Variants in HECW2 observed in about 807,000 individuals in gnomAD.
HECW2 encodes E3 ubiquitin-protein ligase HECW2.
In HECW2, 61 loss-of-function variants were observed where a neutral mutation model predicts 175.2. The ratio of observed to expected loss-of-function variants is 0.35; its 90% CI spans 0.28 to 0.43. The LOEUF is 0.43. Among genes scored for constraint, HECW2 ranks in the 20% least tolerant of loss-of-function variants. The pLI, the probability that HECW2 is intolerant of heterozygous loss-of-function variation, is 1.00. For missense variants in HECW2, 1,524 were observed against 2,000.5 expected (o/e 0.76, Z 4.54); for synonymous variants, 671 against 731.0 (o/e 0.92, Z 1.32).
intron 13 of HECW2, among the ~76,000 whole-genome samples, chr2:196,300,104 G>A (rs1394759579): frequency 3.3e-5 from 5 of 152,152 alleles, no homozygotes; most frequent in African/African-American, 4.8e-5. Flanking sequence ...CATAGTGGGC[G>A]TATTAACACT....
chr2:196,482,913 T>C (rs1273471835), intron 1 of HECW2, among the ~76,000 whole-genome samples: 1 of 152,156 alleles, frequency 6.6e-6, no homozygotes, highest in African/African-American at 2.4e-5. Context: ...TTTTGTTTCC[T>C]TCTCAGTGTC....
chr2:196,229,054 G>A (rs1687953831), intron 21 of HECW2, among the ~76,000 whole-genome samples: 1 of 152,152 alleles, frequency 6.6e-6, no homozygotes, highest in Non-Finnish European at 1.5e-5. Flanking sequence ...TGCAAAGTAA[G>A]GAGGAGTTTG....
Position 196,532,445 on chromosome 2 carries a change from A to G in HECW2, c.-36+61063T>C, listed in dbSNP as rs557672380. Among the ~76,000 whole-genome samples the G allele has an allele frequency of 5.7e-4, 86 of 152,034 alleles. 1 individual carries two copies. Among genetic ancestry groups the G allele is most frequent in the Non-Finnish European group, 1.1e-3 (72 of 67,972 alleles). ...TTGAACAAGGAGAACATACGGACAC[A>G]GGGAGGGGAACATCACATACCAGGG... On this transcript the variant is annotated intron_variant, in intron 1 of 28. Coordinates refer to ENST00000644978, the MANE Select transcript of HECW2 (RefSeq NM_001348768.2).
chr2:196,447,886 T>C (rs566845493), intron 1 of HECW2, among the ~76,000 whole-genome samples: 33 of 152,066 alleles, frequency 2.2e-4, no homozygotes, highest in Admixed American at 7.2e-4. Flanking sequence ...TGAAACCCCA[T>C]CTCTACTAAA....
At position 196,222,061 on chromosome 2, in the gene HECW2, C is replaced by A. The variant is rs924615461; in HGVS notation, c.4146+150G>T. ...ACATTAATTCTAATCTTTATAACTGCGGTTATTATAACTGTGTGTGATCCT... is the reference window on the plus strand; with the variant it reads ...ACATTAATTCTAATCTTTATAACTGAGGTTATTATAACTGTGTGTGATCCT... On this transcript the variant is annotated intron_variant, in intron 24 of 28. Transcript: ENST00000644978. 88 of 560,124 alleles carry A rather than the reference C, an allele frequency of 1.6e-4. No homozygotes were observed. In the East Asian group the frequency reaches 2.6e-3, roughly 17 times the overall value. 34.7% of individuals were successfully genotyped at this position (560,124 alleles called of 1,614,324 possible). A position where few individuals can be genotyped will look rare whatever the true frequency, so the allele number is the denominator to read the frequency against.
At chr2:196,591,947 C>T (rs1691212163) in intron 1 of HECW2, among the ~76,000 whole-genome samples, 1 of 152,080 alleles carries the variant, frequency 6.6e-6, no homozygotes, top group African/African-American at 2.4e-5. Flanking sequence ...ATACAGCCAT[C>T]TGTTGGGAAG....
intron 10 of HECW2, among the ~76,000 whole-genome samples, chr2:196,310,815 G>T (rs1422022244): frequency 1.6e-5 from 2 of 128,514 alleles, no homozygotes; most frequent in South Asian, 2.6e-4. Context: ...GAGGTAGAAG[G>T]CCTGATTTCT....
At chr2:196,427,247 C>G (rs1438752775) in intron 2 of HECW2, among the ~76,000 whole-genome samples, 1 of 152,064 alleles carries the variant, frequency 6.6e-6, no homozygotes, top group African/African-American at 2.4e-5. Context: ...GTTTGCAGAC[C>G]AGTACTTTGA....
In HECW2 at chr2:196,581,794, C is replaced by T. The variant is rs35298518; in HGVS notation, c.-36+11714G>A. On this transcript the variant is annotated intron_variant, in intron 1 of 28. Transcript: ENST00000644978. ...AAGATAAATAAACCATGGACAGGCG[C>T]GGTGGCTCATGCCTGTAATCCCAGC... Among the ~76,000 whole-genome samples the T allele has an allele frequency of 9.1e-3, 1,385 of 152,110 alleles. 13 individuals are homozygous for T. Among genetic ancestry groups the T allele is most frequent in the Non-Finnish European group, 0.014 (947 of 68,000 alleles).
intron 2 of HECW2, among the ~76,000 whole-genome samples, chr2:196,398,497 G>A (rs1694733211): frequency 6.6e-6 from 1 of 152,168 alleles, no homozygotes; most frequent in African/African-American, 2.4e-5. Flanking sequence ...TAATAGCTAT[G>A]AGAATGGAAA....
chr2:196,229,492 C>G lies in HECW2; in HGVS notation c.3765-1238G>C, dbSNP rs965396553. 7.2e-5 allele frequency among the ~76,000 whole-genome samples: 11 copies of G among 152,050 alleles called. No homozygotes were observed. The South Asian group carries it at 1.0e-3, about 14-fold the overall frequency. On this transcript the variant is annotated intron_variant, in intron 21 of 28. Transcript: ENST00000644978. ...CTGGGCAAGGAGTTTGAGAGAGTGA[C>G]ACAGTGAGACCCCCGTCTCTACAAA... is the stretch of plus-strand genomic sequence containing the variant.
At chr2:196,371,516 A>G (rs976103903) in intron 2 of HECW2, among the ~76,000 whole-genome samples, 1 of 152,264 alleles carries the variant, frequency 6.6e-6, no homozygotes, top group Non-Finnish European at 1.5e-5. Context: ...GTGCTGGTCC[A>G]TGAATTGGTT....
chr2:196,588,456 G>T (rs901974971), intron 1 of HECW2, among the ~76,000 whole-genome samples: 1 of 152,170 alleles, frequency 6.6e-6, no homozygotes, highest in Admixed American at 6.5e-5. Flanking sequence ...TCAATAGAAT[G>T]GTATTAAAAT....
chr2:196,460,108 T>C (rs1050898752), intron 1 of HECW2, among the ~76,000 whole-genome samples: 1 of 152,040 alleles, frequency 6.6e-6, no homozygotes, highest in East Asian at 1.9e-4. Flanking sequence ...CAACCCTTTA[T>C]GAAAAATAAA....
At chr2:196,579,085 T>TGGAGTGAA (rs1476305952) in intron 1 of HECW2, among the ~76,000 whole-genome samples, 1 of 151,948 alleles carries the variant, frequency 6.6e-6, no homozygotes, top group African/African-American at 2.4e-5. Context: ...AGTGAAGTAT[T>TGGAGTGAA]GGAGTGAAGT....
At chr2:196,445,982 T>G (rs956157348) in intron 1 of HECW2, among the ~76,000 whole-genome samples, 2 of 152,244 alleles carry the variant, frequency 1.3e-5, no homozygotes, top group Non-Finnish European at 2.9e-5. Context: ...AGAGTGACCC[T>G]GTTCAGATGT....
intron 2 of HECW2, among the ~76,000 whole-genome samples, chr2:196,355,248 C>T (rs1416216919): frequency 6.6e-6 from 1 of 152,204 alleles, no homozygotes; most frequent in Non-Finnish European, 1.5e-5. Flanking sequence ...CTTTCAAGTA[C>T]ACACTGCTGT....
chr2:196,253,178 C>G (rs926321590), intron 19 of HECW2, among the ~76,000 whole-genome samples: 1 of 152,202 alleles, frequency 6.6e-6, no homozygotes, highest in South Asian at 2.1e-4. Flanking sequence ...AAAGAACATA[C>G]AGCAGCTTAG....
chr2:196,392,955 A>T (rs1175437201), intron 2 of HECW2, among the ~76,000 whole-genome samples: 1 of 152,246 alleles, frequency 6.6e-6, no homozygotes. Context: ...ACCAAAACAG[A>T]GATACAGACC....
Sources: allele counts gnomAD v4.1 joint callset (sites outside exome capture counted in the v4.1 genomes callset), GRCh38; gene constraint gnomAD v4.1.1; transcripts MANE v1.5; gene names NCBI Gene and HGNC (gene_info 2026-07-23, HGNC 2026-07-21).